The following SPOCK1 variants were observed in gnomAD, a reference collection of about 807,000 sequenced individuals.
The protein encoded by SPOCK1 is testican-1.
SPOCK1 carries 23 observed loss-of-function variants against 55.3 expected under a neutral mutation model. The observed-to-expected ratio is 0.42, with a 90% confidence interval of 0.30 to 0.59. The LOEUF (loss-of-function observed/expected upper bound fraction) is 0.59. Ranked by LOEUF, SPOCK1 falls within the 20% of genes least tolerant of loss-of-function variation. The pLI is 0.22. For missense variants in SPOCK1, 499 were observed against 552.5 expected (o/e 0.90, Z 0.97); for synonymous variants, 226 against 221.0 (o/e 1.02, Z -0.20).
At chr5:137,111,314 A>G (rs1388687828) in intron 5 of SPOCK1, among the ~76,000 whole-genome samples, 1 of 152,176 alleles carries the variant, frequency 6.6e-6, no homozygotes, top group Non-Finnish European at 1.5e-5. Flanking sequence ...GATGTCCCCT[A>G]CAGCAACTCT....
chr5:137,367,650 T>C lies in SPOCK1; in HGVS notation c.187-100595A>G, dbSNP rs143065238. Among the ~76,000 whole-genome samples, 731 of 152,286 alleles carry C rather than the reference T, an allele frequency of 4.8e-3. 5 individuals carry two copies. The highest frequency in any genetic ancestry group is 0.016 in the African/African-American group (681 of 41,556). ...TTGAGCCCCTTCTAGCTCCCTGTTT[T>C]TCTTTGCCCACACTCTTTAATGCTG... On this transcript the variant is annotated intron_variant, in intron 2 of 10. Transcript: ENST00000394945.
At chr5:137,452,225 T>C (rs1171155601) in intron 2 of SPOCK1, among the ~76,000 whole-genome samples, 2 of 152,256 alleles carry the variant, frequency 1.3e-5, no homozygotes, top group African/African-American at 4.8e-5. Context: ...ATTCGTGGTA[T>C]ATAACTTCAC....
chr5:137,125,423 C>T (rs1368108562), intron 4 of SPOCK1, among the ~76,000 whole-genome samples: 1 of 152,142 alleles, frequency 6.6e-6, no homozygotes, highest in Admixed American at 6.5e-5. Flanking sequence ...CCCAAAAATC[C>T]ATATATCAAA....
At chr5:137,086,901 C>T (rs1752971224) in intron 5 of SPOCK1, among the ~76,000 whole-genome samples, 1 of 152,168 alleles carries the variant, frequency 6.6e-6, no homozygotes, top group African/African-American at 2.4e-5. Context: ...ACCTAGGAAG[C>T]CAGCTGCGTC....
At chr5:137,435,635 G>T (rs1477984911) in intron 2 of SPOCK1, among the ~76,000 whole-genome samples, 2 of 152,116 alleles carry the variant, frequency 1.3e-5, no homozygotes, top group Admixed American at 6.5e-5. Flanking sequence ...TAAGTAAAGT[G>T]GGAGGCATTG....
intron 5 of SPOCK1, among the ~76,000 whole-genome samples, chr5:137,099,601 T>A (rs945979841): frequency 6.6e-6 from 1 of 151,970 alleles, no homozygotes; most frequent in Non-Finnish European, 1.5e-5. Context: ...TATGTACACA[T>A]ATATATACAC....
intron 2 of SPOCK1, among the ~76,000 whole-genome samples, chr5:137,271,005 AAATTAATTAATT>A (rs3043269): frequency 6.8e-6 from 1 of 147,662 alleles, no homozygotes; most frequent in Admixed American, 6.7e-5. Flanking sequence ...CTCTGTCTCA[AAATTAATTAATT>A]AATTAATTAA....
intron 5 of SPOCK1, among the ~76,000 whole-genome samples, chr5:137,081,554 CT>C (rs1752877970): frequency 6.6e-6 from 1 of 152,198 alleles, no homozygotes; most frequent in Non-Finnish European, 1.5e-5. Flanking sequence ...CCTTTCTCCC[CT>C]ATCACTTGCT....
intron 2 of SPOCK1, among the ~76,000 whole-genome samples, chr5:137,326,555 A>G (rs1426194632): frequency 6.6e-6 from 1 of 152,178 alleles, no homozygotes; most frequent in Non-Finnish European, 1.5e-5. Context: ...TTAACAGCAA[A>G]AGCCAATCTT....
At chr5:137,255,079 ATTGAG>A (rs1430045942) in intron 3 of SPOCK1, among the ~76,000 whole-genome samples, 30 of 152,238 alleles carry the variant, frequency 2.0e-4, no homozygotes, top group African/African-American at 7.2e-4. Flanking sequence ...ATTCTGAATT[ATTGAG>A]TTAACTTATA....
At chr5:137,002,685 G>A (rs536977976) in intron 6 of SPOCK1, among the ~76,000 whole-genome samples, 47 of 152,266 alleles carry the variant, frequency 3.1e-4, no homozygotes, top group African/African-American at 1.1e-3. Flanking sequence ...AGACTAAGCT[G>A]CAGAAATGAC....
intron 3 of SPOCK1, among the ~76,000 whole-genome samples, chr5:137,245,848 G>A (rs577441509): frequency 1.3e-5 from 2 of 152,044 alleles, no homozygotes; most frequent in East Asian, 3.9e-4. Context: ...AATAAGTTTG[G>A]GAATCACTGT....
intron 6 of SPOCK1, among the ~76,000 whole-genome samples, chr5:137,020,720 TA>T (rs1308019234): frequency 6.6e-6 from 1 of 151,874 alleles, no homozygotes; most frequent in Non-Finnish European, 1.5e-5. Flanking sequence ...ATAAATTTTT[TA>T]AAAGACAACC....
At chr5:137,415,932 A>C (rs1277781589) in intron 2 of SPOCK1, among the ~76,000 whole-genome samples, 1 of 152,116 alleles carries the variant, frequency 6.6e-6, no homozygotes, top group African/African-American at 2.4e-5. Flanking sequence ...AAAAACTGTA[A>C]ACCCACAGAT....
chr5:137,257,349 G>A (rs2127110320), intron 3 of SPOCK1, among the ~76,000 whole-genome samples: 1 of 152,270 alleles, frequency 6.6e-6, no homozygotes, highest in African/African-American at 2.4e-5. Context: ...TTAGAGGTAG[G>A]GCCTTTGGGT....
intron 6 of SPOCK1, among the ~76,000 whole-genome samples, chr5:137,003,028 G>A (rs186223669): frequency 1.3e-5 from 2 of 152,278 alleles, no homozygotes; most frequent in Admixed American, 6.5e-5. Context: ...GAAATAATGA[G>A]GAGCCCACTT....
chr5:137,472,674 CATTGTTTTTAACAGCGT>C (rs1353129650), intron 2 of SPOCK1, among the ~76,000 whole-genome samples: 12 of 152,210 alleles, frequency 7.9e-5, no homozygotes, highest in African/African-American at 2.4e-4. Flanking sequence ...TTCATTACAG[CATTGTTTTTAACAGCGT>C]AACACAGGGA....
At chr5:137,218,553 A>G (rs997855543) in intron 3 of SPOCK1, among the ~76,000 whole-genome samples, 19 of 152,252 alleles carry the variant, frequency 1.2e-4, no homozygotes, top group African/African-American at 4.6e-4. Context: ...AAAACTTGTG[A>G]ATTAAGCAAA....
At chr5:137,428,701 C>T (rs1752684087) in intron 2 of SPOCK1, among the ~76,000 whole-genome samples, 2 of 152,192 alleles carry the variant, frequency 1.3e-5, no homozygotes. Context: ...CTCTGGCTCT[C>T]CTCACTGGCC....
Sources: gnomAD v4.1 joint callset for allele counts (sites outside exome capture counted in the v4.1 genomes callset) on GRCh38, gnomAD v4.1.1 for gene constraint, MANE v1.5 for transcripts, NCBI Gene and HGNC (gene_info 2026-07-23, HGNC 2026-07-21) for gene names.